The following WTAP variants were observed in gnomAD, a reference collection of about 807,000 sequenced individuals.
WTAP encodes the protein WT1 associated protein, also known as pre-mRNA-splicing regulator WTAP.
Under a neutral mutation model 50.0 loss-of-function variants are expected in WTAP, and 8 were observed. The observed-to-expected ratio is 0.16, with a 90% CI of 0.09 to 0.29. WTAP has a LOEUF of 0.29. Ranked by LOEUF, WTAP falls within the 10% of genes least tolerant of loss-of-function variation. The pLI, the probability that WTAP is intolerant of heterozygous loss-of-function variation, is 1.00. For synonymous variants in WTAP, 194 were observed against 169.0 expected (o/e 1.15, Z -1.15); for missense variants, 295 against 470.7 (o/e 0.63, Z 3.45).
intron 1 of WTAP, among the ~76,000 whole-genome samples, chr6:159,727,980 G>A (rs1426094788): frequency 6.6e-6 from 1 of 152,256 alleles, no homozygotes; most frequent in Admixed American, 6.5e-5. Flanking sequence ...GAGGCCGGAG[G>A]ATGCCCTCCC....
Position 159,755,326 on chromosome 6 carries a change from C to CT in WTAP, c.909dup (p.Pro304SerfsTer8), listed in dbSNP as rs1460760701. 6.2e-7 allele frequency: 1 copy of CT among 1,614,236 alleles called. No individual in the cohort carries two copies. The highest frequency in any genetic ancestry group is 8.5e-7 in the Non-Finnish European group (1 of 1,180,040). The stretch of plus-strand genomic sequence containing the variant: ...GGGAGGGCAACACAACCGAAGATGA[C>CT]TTTCCTTCTTCTCCAGGGAATGGTA... On this transcript the variant is annotated frameshift_variant, in exon 8 of 8. Coordinates refer to ENST00000621533, the MANE Select transcript of WTAP (RefSeq NM_001270531.2). LOFTEE classifies it high-confidence loss of function.
At position 159,748,013 on chromosome 6, in the gene WTAP, GTT is replaced by G. The variant is rs2114945226; in HGVS notation, c.274-174_274-173del. On this transcript the variant is annotated intron_variant, in intron 5 of 7. Coordinates refer to ENST00000621533, the MANE Select transcript of WTAP (RefSeq NM_001270531.2). This position sits in a 1 kb window ranked among gnomAD's most constrained non-coding sequence, Gnocchi z 5.6. The stretch of plus-strand genomic sequence containing the variant: ...GGGTAATTAGCATATTCATCAAATA[GTT>G]TTTAGTCTGTACTTTTTCTAGAAAG... 6.6e-6 allele frequency among the ~76,000 whole-genome samples: 1 copy of G among 152,272 alleles called. No individual in the cohort carries two copies. The highest frequency in any genetic ancestry group is 1.9e-4 in the East Asian group (1 of 5,190).
At chr6:159,742,829 GA>G (rs1779342107) in intron 4 of WTAP, among the ~76,000 whole-genome samples, 2 of 151,880 alleles carry the variant, frequency 1.3e-5, no homozygotes, top group African/African-American at 4.8e-5. Flanking sequence ...GCCAAGGTGG[GA>G]AGATCACTTG....
At chr6:159,747,443 T>C (rs2114942610) in intron 5 of WTAP, among the ~76,000 whole-genome samples, 1 of 152,298 alleles carries the variant, frequency 6.6e-6, no homozygotes, top group East Asian at 1.9e-4. Flanking sequence ...ACTTTCCAGC[T>C]TTACAATTCT....
At chr6:159,737,418 A>G (rs1403849908) in intron 2 of WTAP, among the ~76,000 whole-genome samples, 1 of 152,174 alleles carries the variant, frequency 6.6e-6, no homozygotes, top group African/African-American at 2.4e-5. Context: ...ACTGGTTAGT[A>G]TTATAATTTG....
chr6:159,738,783 A>G (rs569838815), intron 2 of WTAP, among the ~76,000 whole-genome samples: 1 of 151,896 alleles, frequency 6.6e-6, no homozygotes, highest in Non-Finnish European at 1.5e-5. Flanking sequence ...TTTAATGTGC[A>G]TTTTCCTAAT....
Position 159,755,176 on chromosome 6 carries a change from C to T in WTAP, c.756C>T (p.Ser252=). The part of the protein sequence containing the change: ...QQSQASAPST[S]RTTASEPVEQ... ...CTCAGGCCTCTGCCCCAAGTACCAG[C>T]AGGACTACAGCTTCTGAACCTGTAG... Residue 252 remains serine, a synonymous_variant, in exon 8 of 8, where the codon AGC becomes AGT. Transcript: ENST00000621533. 9.3e-6 allele frequency: 15 copies of T among 1,614,088 alleles called. No homozygotes were observed. The highest frequency in any genetic ancestry group is 1.2e-5 in the Non-Finnish European group (14 of 1,180,000).
rs1779292576 is a variant in WTAP, at chr6:159,742,105, C to T, written c.104C>T (p.Ala35Val). 1 of 1,605,634 alleles carries T rather than the reference C, an allele frequency of 6.2e-7. No individual in the cohort carries two copies. The highest frequency in any genetic ancestry group is 8.5e-7 in the Non-Finnish European group (1 of 1,177,556). ...ELILRWKQYE[A>V]YVQALEGKYT... ...TTTATTAGATGGAAACAATATGAAG[C>T]ATATGTACAAGCTTTGGAGGGCAAG... is the stretch of plus-strand genomic sequence containing the variant. The change falls in exon 4 of 8, where the codon GCA (alanine) becomes GTA (valine). Residue 35 changes from alanine to valine, a missense_variant. This residue lies in a region of WTAP where 120 missense variants were observed against 287.6 expected (regional missense o/e 0.42). Coordinates refer to ENST00000621533, the MANE Select transcript of WTAP (RefSeq NM_001270531.2).
intron 1 of WTAP, among the ~76,000 whole-genome samples, chr6:159,733,438 G>A (rs1240910775): frequency 6.9e-6 from 1 of 144,644 alleles, no homozygotes; most frequent in African/African-American, 2.6e-5. Context: ...GCAGCATGGC[G>A]AAACCCTGTC....
chr6:159,755,668 A>T lies in WTAP; in HGVS notation c.*57A>T. On this transcript the variant is annotated 3_prime_UTR_variant, in exon 8 of 8. Coordinates refer to ENST00000621533, the MANE Select transcript of WTAP (RefSeq NM_001270531.2). ...TTTAATTTGGGAGAGGATACTGTCC[A>T]GAAAATTAATGCATACTTTTGTCAC... 1 of 1,427,468 alleles carries T rather than the reference A, an allele frequency of 7.0e-7. No individual in the cohort carries two copies. The highest frequency in any genetic ancestry group is 1.7e-5 in the South Asian group (1 of 60,514). 88.4% of individuals were successfully genotyped at this position (1,427,468 alleles called of 1,614,324 possible).
rs758557409 is a variant in WTAP at position 159,742,078 on chromosome 6, T to A, written c.87-10T>A. The A allele has an allele frequency of 1.4e-5, 22 of 1,589,708 alleles. No homozygotes were observed. Among genetic ancestry groups the A allele is most frequent in the Non-Finnish European group, 1.9e-5 (22 of 1,167,602 alleles). On this transcript the variant is annotated splice_polypyrimidine_tract_variant and intron_variant, in intron 3 of 7. Coordinates refer to ENST00000621533, the MANE Select transcript of WTAP (RefSeq NM_001270531.2). ...TCGTAACAACTAATGTATGGATTTT[T>A]TTTTATTAGATGGAAACAATATGAA...
intron 6 of WTAP, among the ~76,000 whole-genome samples, chr6:159,750,351 GT>G (rs888575511): frequency 4.6e-5 from 7 of 151,934 alleles, no homozygotes; most frequent in African/African-American, 7.3e-5. Flanking sequence ...GAGTTCTATG[GT>G]TTTTTTCTTG....
At chr6:159,753,053 T>C (rs1220938708) in intron 6 of WTAP, among the ~76,000 whole-genome samples, 1 of 152,242 alleles carries the variant, frequency 6.6e-6, no homozygotes, top group Admixed American at 6.5e-5. Context: ...ATATTTGTGA[T>C]TGATGTTGCA....
intron 3 of WTAP, among the ~76,000 whole-genome samples, chr6:159,740,708 CTT>C (rs565299103): frequency 7.9e-5 from 10 of 126,584 alleles, no homozygotes; most frequent in Admixed American, 3.2e-4. Context: ...TTTTTTCTTT[CTT>C]TTTTTTTTTT....
intron 5 of WTAP, among the ~76,000 whole-genome samples, chr6:159,746,830 A>T (rs1037369210): frequency 6.6e-6 from 1 of 152,182 alleles, no homozygotes; most frequent in Non-Finnish European, 1.5e-5. Flanking sequence ...CATGGAATTT[A>T]TTCTAGTCTG....
chr6:159,727,157 A>G, upstream of WTAP: 2 of 1,193,266 alleles, frequency 1.7e-6, no homozygotes, highest in Non-Finnish European at 1.1e-6. Context: ...GGGCCCGCGG[A>G]GCTCGCGCCA....
intron 1 of WTAP, among the ~76,000 whole-genome samples, chr6:159,734,183 T>A (rs1270219777): frequency 6.6e-6 from 1 of 152,084 alleles, no homozygotes; most frequent in East Asian, 1.9e-4. Flanking sequence ...GTGTTTTGTT[T>A]GTTTGTTTTA....
chr6:159,755,038 C>A lies in WTAP; in HGVS notation c.618C>A (p.Asp206Glu), dbSNP rs1245112142. The A allele has an allele frequency of 1.2e-6, 2 of 1,611,628 alleles. No homozygotes were observed. Among genetic ancestry groups the A allele is most frequent in the East Asian group, 4.5e-5 (2 of 44,876 alleles). The change falls in exon 8 of 8, where the codon GAC (aspartate) becomes GAA (glutamate). Residue 206 changes from aspartate to glutamate, a missense_variant. Asp to Glu is a conservative substitution (Grantham distance 45, BLOSUM62 2). Transcript: ENST00000621533. ...ELKSSQDELN[D>E]FIIQLDEEVE... is the part of the protein sequence containing the mutation. The stretch of plus-strand genomic sequence containing the variant: ...CTCTCCTTTGCACAGAACTGAATGA[C>A]TTCATCATCCAGCTTGATGAAGAAG...
chr6:159,753,329 T>A, intron 6 of WTAP, 131 bp from the exon 7 acceptor site: 10 of 1,250,398 alleles, frequency 8.0e-6, no homozygotes, highest in Non-Finnish European at 1.1e-5. Flanking sequence ...GAAAAGAAGA[T>A]GGTAATTATG....
Sources: allele counts gnomAD v4.1 joint callset (sites outside exome capture counted in the v4.1 genomes callset), GRCh38; gene constraint gnomAD v4.1.1; regional missense constraint gnomAD v4.1.1; non-coding constraint Gnocchi (gnomAD v3.1); transcripts MANE v1.5; gene names NCBI Gene and HGNC (gene_info 2026-07-23, HGNC 2026-07-21).